The following SEC16A variants were observed in gnomAD, a reference collection of about 807,000 sequenced individuals.
SEC16A encodes SEC16 homolog A, endoplasmic reticulum export factor.
In SEC16A, 110 loss-of-function variants were observed where a neutral mutation model predicts 221.9. The ratio of observed to expected loss-of-function variants is 0.50; its 90% CI spans 0.42 to 0.58. The LOEUF is 0.58. Among genes scored for constraint, SEC16A ranks in the 20% least tolerant of loss-of-function variants. SEC16A has a pLI of 0.00. For missense variants in SEC16A, 3,165 were observed against 3,097.8 expected (o/e 1.02, Z -0.52); for synonymous variants, 1,393 against 1,257.7 (o/e 1.11, Z -2.28).
chr9:136,447,594 G>T lies in SEC16A; in HGVS notation c.6534C>A (p.Pro2178=), dbSNP rs748268624. The change falls in exon 26 of 32, where the codon CCC becomes CCA. Residue 2178 remains proline, a synonymous_variant. Transcript: ENST00000684901. The surrounding 1 kb of genome is among the most constrained non-coding windows in gnomAD (Gnocchi z 5.5). ...CTGCTCTTCTAGAGTACATGTTCACGGGGGCTCCAGGAGGCCCTGGGAGGG... is the reference window on the plus strand; with the variant it reads ...CTGCTCTTCTAGAGTACATGTTCACTGGGGCTCCAGGAGGCCCTGGGAGGG... ...PPALPGPPGA[P]VNMYSRRAAG... is the part of the protein sequence containing the mutation. 1.2e-6 allele frequency: 2 copies of T among 1,613,488 alleles called. No individual in the cohort carries two copies. The highest frequency in any genetic ancestry group is 1.3e-5 in the African/African-American group (1 of 75,048).
Position 136,474,897 on chromosome 9 carries a change from A to G in SEC16A, c.2719T>C (p.Phe907Leu), listed in dbSNP as rs1841415101. ...TCGGAAGCACCAGAACCTTGTGGAA[A>G]ATTACTTTGGGCAACACTGCTAGGC... ...SLPSSVAQSN[F>L]PQGSGASEMV... The change falls in exon 3 of 32, where the codon TTT becomes CTT. Residue 907 changes from phenylalanine to leucine, a missense_variant. Coordinates refer to ENST00000684901, the MANE Select transcript of SEC16A (RefSeq NM_014866.2). 2 of 1,613,818 alleles carry G rather than the reference A, an allele frequency of 1.2e-6. No individual in the cohort carries two copies. Among genetic ancestry groups the G allele is most frequent in the Middle Eastern group, 1.6e-4 (1 of 6,062 alleles).
At position 136,477,070 on chromosome 9, in the gene SEC16A, G is replaced by A. The variant is rs372881320; in HGVS notation, c.546C>T (p.Leu182=). ...GGHPHGNMPG[L]DRPLSRQNPH... is the part of the protein sequence containing the mutation. Reference sequence around the variant, plus strand: ...GGTTTTGCCTGCTCAGGGGTCGGTCGAGCCCAGGCATGTTCCCATGAGGGT... The same window carrying A: ...GGTTTTGCCTGCTCAGGGGTCGGTCAAGCCCAGGCATGTTCCCATGAGGGT... Residue 182 remains leucine, a synonymous_variant, in exon 3 of 32, where the codon CTC becomes CTT. Coordinates refer to ENST00000684901, the MANE Select transcript of SEC16A (RefSeq NM_014866.2). 4.1e-5 allele frequency: 66 copies of A among 1,613,684 alleles called. No individual in the cohort carries two copies. Among genetic ancestry groups the A allele is most frequent in the South Asian group, 6.6e-5 (6 of 91,092 alleles).
In SEC16A at chr9:136,472,077, G is replaced by A. The variant is rs760841497; in HGVS notation, c.3602C>T (p.Pro1201Leu). The change falls in exon 4 of 32, where the codon CCC (proline) becomes CTC (leucine). Residue 1201 changes from proline to leucine, a missense_variant. Coordinates refer to ENST00000684901, the MANE Select transcript of SEC16A (RefSeq NM_014866.2). ...GTAAGCAGACGCAGCACCATCATAG[G>A]GCCTGTATCGAGGCTCATAGAGGCT... ...VYSLYEPRYR[P>L]YDGAASAYAQ... The A allele has an allele frequency of 3.1e-6, 5 of 1,613,688 alleles. No individual in the cohort carries two copies. The Admixed American group carries it at 6.7e-5, about 22-fold the overall frequency.
chr9:136,448,746 G>A, intron 23 of SEC16A: 1 of 708,224 alleles, frequency 1.4e-6, no homozygotes, highest in Admixed American at 2.0e-5. Context: ...GAGGATGGAG[G>A]TGGGGGGCAG....
rs992813427 is a variant in SEC16A at position 136,451,553 on chromosome 9, G to C, written c.6160-145C>G. 11 of 977,698 alleles carry C rather than the reference G, an allele frequency of 1.1e-5. No homozygotes were observed. The East Asian group carries it at 2.5e-4, about 22-fold the overall frequency. The allele number at this position is 977,698 out of a possible 1,614,324, so 60.6% of individuals were successfully genotyped here. On this transcript the variant is annotated intron_variant, in intron 22 of 31. Coordinates refer to ENST00000684901, the MANE Select transcript of SEC16A (RefSeq NM_014866.2). ...CTGGTGACCAGAGGGAGGCAGGAAG[G>C]GGGCTGGGGAGAGCAGCCCCCTGAC...
chr9:136,464,787 T>C (rs926251400), intron 8 of SEC16A, among the ~76,000 whole-genome samples: 3 of 152,216 alleles, frequency 2.0e-5, no homozygotes, highest in African/African-American at 7.2e-5. Context: ...GCTGTTCCCT[T>C]GTACACTGAG....
chr9:136,458,247 G>T (rs1296199348), intron 17 of SEC16A, among the ~76,000 whole-genome samples: 1 of 151,730 alleles, frequency 6.6e-6, no homozygotes, highest in Non-Finnish European at 1.5e-5. Flanking sequence ...GGGATTACAG[G>T]CATGAGCCGC....
chr9:136,451,756 G>A (rs1057255927), intron 22 of SEC16A, among the ~76,000 whole-genome samples: 5 of 152,336 alleles, frequency 3.3e-5, no homozygotes, highest in South Asian at 4.1e-4. Flanking sequence ...AGAGGGGGGC[G>A]ATGGGTGTTC....
chr9:136,468,400 A>G lies in SEC16A; in HGVS notation c.3802+15T>C. ...GCACCTGCTAAGGCCAGCTGCTTGG[A>G]GTTCCTTGACATACCTCCATAATCG... On this transcript the variant is annotated intron_variant, in intron 5 of 31. Coordinates refer to ENST00000684901, the MANE Select transcript of SEC16A (RefSeq NM_014866.2). The G allele has an allele frequency of 8.3e-6, 13 of 1,568,280 alleles. No individual in the cohort carries two copies. The highest frequency in any genetic ancestry group is 1.1e-5 in the Non-Finnish European group (13 of 1,139,284).
chr9:136,462,798 C>G, intron 12 of SEC16A, 89 bp downstream of exon 12: 1 of 1,466,382 alleles, frequency 6.8e-7, no homozygotes, highest in South Asian at 1.3e-5. Flanking sequence ...CAAGAGGGGG[C>G]CACGTCCCTC....
Position 136,466,088 on chromosome 9 carries a change from G to C in SEC16A, c.4177C>G (p.Pro1393Ala), listed in dbSNP as rs1840110802. Residue 1393 changes from proline to alanine, a missense_variant, in exon 8 of 32, where the codon CCG becomes GCG. Coordinates refer to ENST00000684901, the MANE Select transcript of SEC16A (RefSeq NM_014866.2). This position sits in a 1 kb window ranked among gnomAD's most constrained non-coding sequence, Gnocchi z 5.5. Reference protein sequence around the residue: ...HNVAAGSYEAPLPPGSFHGDF... With the variant: ...HNVAAGSYEAALPPGSFHGDF... ...CCGTGAAAGGAGCCTGGAGGAAGCG[G>C]GGCCTCGTAGGAACCGGCAGCCACA... 2 of 1,609,086 alleles carry C rather than the reference G, an allele frequency of 1.2e-6. No homozygotes were observed. The highest frequency in any genetic ancestry group is 2.2e-5 in the South Asian group (2 of 90,892).
At position 136,467,032 on chromosome 9, in the gene SEC16A, C is replaced by T. The variant is rs780129136; in HGVS notation, c.3854G>A (p.Arg1285His). The T allele has an allele frequency of 5.6e-6, 9 of 1,613,736 alleles. No homozygotes were observed. Among genetic ancestry groups the T allele is most frequent in the Admixed American group, 5.0e-5 (3 of 60,000 alleles). Reference protein sequence around the residue: ...YHYSARVRDPRTYDRRYWCDA... With the variant: ...YHYSARVRDPHTYDRRYWCDA... The stretch of plus-strand genomic sequence containing the variant: ...ACACCAATACCTCCGGTCATAGGTG[C>T]GGGGGTCCCTGACTCTAGCACTGTA... The change falls in exon 6 of 32, where the codon CGC becomes CAC. Residue 1285 changes from arginine (R) to histidine (H), a missense_variant. Arg to His is a conservative substitution (Grantham distance 29). This residue lies in a region of SEC16A where 2,030 missense variants were observed against 1,923.1 expected (regional missense o/e 1.06). Transcript: ENST00000684901.
chr9:136,468,517 A>T lies in SEC16A; in HGVS notation c.3705-5T>A. ...TATCCTTCAGGATATCCTTGCCTGA[A>T]AAAACACACAGTGCTGTTAAAACAC... On this transcript the variant is annotated splice_polypyrimidine_tract_variant and splice_region_variant and intron_variant, in intron 4 of 31. Transcript: ENST00000684901. 6.3e-7 allele frequency: 1 copy of T among 1,576,162 alleles called. No homozygotes were observed. Among genetic ancestry groups the T allele is most frequent in the South Asian group, 1.1e-5 (1 of 90,048 alleles).
chr9:136,472,209 A>G (rs2132739286), intron 3 of SEC16A, 98 bp from the exon 4 acceptor site: 1 of 1,411,272 alleles, frequency 7.1e-7, no homozygotes, highest in Non-Finnish European at 9.8e-7. Flanking sequence ...GGCGGGCAGC[A>G]TTAGATACCT....
At chr9:136,445,606 G>A (rs974939190) in intron 29 of SEC16A, 39 bp downstream of exon 29, 31 of 1,471,244 alleles carry the variant, frequency 2.1e-5, no homozygotes, top group Non-Finnish European at 2.8e-5. Context: ...TGCTGGGGAG[G>A]CCTGGGCTGC....
At position 136,477,609 on chromosome 9, in the gene SEC16A, G is replaced by C. The variant is rs998326444; in HGVS notation, c.7C>G (p.Pro3Ala). The C allele has an allele frequency of 6.2e-7, 1 of 1,605,688 alleles. No individual in the cohort carries two copies. The highest frequency in any genetic ancestry group is 1.3e-5 in the African/African-American group (1 of 74,890). The stretch of plus-strand genomic sequence containing the variant: ...CCAGACGGGACCGTCTGGGGCGGTG[G>C]CTGCATGACTGAACCCTTGCACAAG... MQPPPQTVPSGMA... is the reference protein window; with the variant it reads MQAPPQTVPSGMA... The change falls in exon 3 of 32, where the codon CCA becomes GCA. Residue 3 changes from proline to alanine, a missense_variant. By Grantham distance (27) the Pro-to-Ala change is conservative. Coordinates refer to ENST00000684901, the MANE Select transcript of SEC16A (RefSeq NM_014866.2).
chr9:136,465,374 C>G (rs956657342), intron 8 of SEC16A, among the ~76,000 whole-genome samples: 1 of 152,014 alleles, frequency 6.6e-6, no homozygotes, highest in Non-Finnish European at 1.5e-5. Context: ...TCGTTTGAAC[C>G]CGAGATGCAG....
chr9:136,483,463 C>G, upstream of SEC16A: 1 of 651,228 alleles, frequency 1.5e-6, no homozygotes, highest in Non-Finnish European at 1.9e-6. Context: ...GGCCGTCCTT[C>G]CCCGCCCGTG....
chr9:136,483,569 T>A (rs545537248), upstream of SEC16A: 1,232 of 985,046 alleles, frequency 1.3e-3, no homozygotes, highest in Middle Eastern at 6.8e-3. Context: ...TCCCAGTACG[T>A]CGCCCTGTTT....
Sources: allele counts gnomAD v4.1 joint callset (sites outside exome capture counted in the v4.1 genomes callset), GRCh38; gene constraint gnomAD v4.1.1; regional missense constraint gnomAD v4.1.1; non-coding constraint Gnocchi (gnomAD v3.1); transcripts MANE v1.5; gene names NCBI Gene and HGNC (gene_info 2026-07-23, HGNC 2026-07-21).